DUXA: variants seen among roughly 807,000 people sequenced by gnomAD.
DUXA encodes the protein double homeobox A.
In DUXA, 25 loss-of-function variants were observed where a neutral mutation model predicts 27.5. That is an observed-to-expected ratio of 0.91 (90% CI 0.66 to 1.27). DUXA has a LOEUF of 1.27. Ranked by LOEUF, DUXA falls within the 50% of genes most tolerant of loss-of-function variation. DUXA has a pLI of 0.00. For missense variants in DUXA, 247 were observed against 242.9 expected (o/e 1.02, Z -0.11); for synonymous variants, 90 against 80.5 (o/e 1.12, Z -0.63).
chr19:57,161,451 G>T (rs530731368), intron 1 of DUXA, among the ~76,000 whole-genome samples: 1 of 147,370 alleles, frequency 6.8e-6, no homozygotes, highest in Non-Finnish European at 1.5e-5. Flanking sequence ...ATGAAACCCC[G>T]TCTCTACTAA....
rs561879194 is a variant in DUXA at position 57,156,108 on chromosome 19, C to T, written c.439-736G>A. Reference sequence around the variant, plus strand: ...TCACAGGTCCACCTCATTACAATACCGGTGTTTCTCTAAAGTGACATGCTA... The same window carrying T: ...TCACAGGTCCACCTCATTACAATACTGGTGTTTCTCTAAAGTGACATGCTA... On this transcript the variant is annotated intron_variant, in intron 4 of 5. Transcript: ENST00000554048. Among the ~76,000 whole-genome samples the T allele has an allele frequency of 3.7e-4, 57 of 152,222 alleles. No individual in the cohort carries two copies. In the South Asian group the frequency reaches 0.011, roughly 30 times the overall value.
At chr19:57,162,765 A>G (rs1403473342) in intron 1 of DUXA, among the ~76,000 whole-genome samples, 4 of 152,078 alleles carry the variant, frequency 2.6e-5, no homozygotes, top group South Asian at 4.1e-4. Context: ...TAGTAGAGAC[A>G]GGGTTTCACC....
intron 1 of DUXA, 84 bp from the exon 2 acceptor site, chr19:57,160,881 C>G: frequency 6.7e-7 from 1 of 1,500,350 alleles, no homozygotes; most frequent in South Asian, 1.2e-5. Context: ...CTCTCACTTC[C>G]TCTTCCCAAA....
intron 1 of DUXA, among the ~76,000 whole-genome samples, chr19:57,163,470 G>A (rs776220734): frequency 4.0e-5 from 6 of 150,264 alleles, no homozygotes; most frequent in Non-Finnish European, 7.4e-5. Context: ...TTGAGACAGA[G>A]TCTCACTCTG....
chr19:57,162,045 C>T (rs754968602), intron 1 of DUXA, among the ~76,000 whole-genome samples: 1 of 152,062 alleles, frequency 6.6e-6, no homozygotes, highest in African/African-American at 2.4e-5. Context: ...TGCACACCCC[C>T]ACACCCAGCT....
intron 3 of DUXA, among the ~76,000 whole-genome samples, 164 bp from the exon 4 acceptor site, chr19:57,158,637 T>A (rs1367026634): frequency 2.0e-5 from 3 of 152,058 alleles, no homozygotes; most frequent in African/African-American, 4.8e-5. Flanking sequence ...GGTGGAAGGT[T>A]CTAGAGGAGA....
At position 57,161,434 on chromosome 19, in the gene DUXA, T is replaced by C. The variant is rs187244500; in HGVS notation, c.26-637A>G. ...GTCAGGAGATCGAGACCATCCTGGC[T>C]AACATGATGAAACCCCGTCTCTACT... On this transcript the variant is annotated intron_variant, in intron 1 of 5. Transcript: ENST00000554048. Among the ~76,000 whole-genome samples, 720 of 147,958 alleles carry C rather than the reference T, an allele frequency of 4.9e-3. 13 individuals are homozygous for C. The highest frequency in any genetic ancestry group is 0.016 in the African/African-American group (649 of 39,352).
intron 1 of DUXA, among the ~76,000 whole-genome samples, chr19:57,162,985 C>T (rs566486675): frequency 4.0e-5 from 6 of 151,774 alleles, no homozygotes; most frequent in Non-Finnish European, 2.9e-5. Flanking sequence ...GAACCTTGAC[C>T]TCATCATACG....
At chr19:57,160,457 C>T (rs1266553523) in intron 2 of DUXA, among the ~76,000 whole-genome samples, 186 bp downstream of exon 2, 3 of 152,334 alleles carry the variant, frequency 2.0e-5, no homozygotes, top group South Asian at 2.1e-4. Context: ...CCTGTGAGCT[C>T]GCTCATCCTC....
chr19:57,161,424 C>CT (rs1206851235), intron 1 of DUXA, among the ~76,000 whole-genome samples: 1 of 148,638 alleles, frequency 6.7e-6, no homozygotes, highest in Non-Finnish European at 1.5e-5. Context: ...GAGATCGAGA[C>CT]CATCCTGGCT....
intron 1 of DUXA, among the ~76,000 whole-genome samples, chr19:57,163,328 G>C (rs2087034022): frequency 6.6e-6 from 1 of 151,992 alleles, no homozygotes; most frequent in Non-Finnish European, 1.5e-5. Context: ...TTGATGTTTT[G>C]TAGAGATGGC....
intron 1 of DUXA, among the ~76,000 whole-genome samples, chr19:57,164,007 G>A (rs1019069442): frequency 2.0e-5 from 3 of 152,052 alleles, no homozygotes; most frequent in Non-Finnish European, 4.4e-5. Flanking sequence ...CTTGAGTCCA[G>A]GAGTTCAAGA....
intron 2 of DUXA, 52 bp from the exon 3 acceptor site, chr19:57,159,330 A>G (rs2122692121): frequency 6.6e-7 from 1 of 1,518,942 alleles, no homozygotes. Flanking sequence ...CATTTAAGCT[A>G]CATCACTGCC....
At position 57,154,448 on chromosome 19, in the gene DUXA, A is replaced by G. The variant is rs1599928789; in HGVS notation, c.579T>C (p.Thr193=). The G allele has an allele frequency of 2.5e-6, 4 of 1,613,778 alleles. No individual in the cohort carries two copies. Among genetic ancestry groups the G allele is most frequent in the Non-Finnish European group, 1.7e-6 (2 of 1,179,708 alleles). The part of the protein sequence containing the change: ...AEDTQNGTNF[T]SDSHFSGART... ...TGGCTCCAGAGAAATGAGAGTCACT[A>G]GTGAAGTTGGTGCCATTTTGTGTAT... The change falls in exon 6 of 6, where the codon ACT becomes ACC. Residue 193 remains threonine, a synonymous_variant. Coordinates refer to ENST00000554048, the MANE Select transcript of DUXA (RefSeq NM_001012729.2).
rs921070839 is a variant in DUXA at position 57,158,184 on chromosome 19, G to A, written c.438+144C>T. 19 of 909,270 alleles carry A rather than the reference G, an allele frequency of 2.1e-5. No homozygotes were observed. The East Asian group carries it at 2.2e-4, about 10-fold the overall frequency. The allele number at this position is 909,270 out of a possible 1,614,324, so 56.3% of individuals were successfully genotyped here. ...AGATTGAGTCCTGTGGGCACCTGGG[G>A]GTAGAAGCCAGCAGACAGGGAACAG... On this transcript the variant is annotated intron_variant, in intron 4 of 5. Coordinates refer to ENST00000554048, the MANE Select transcript of DUXA (RefSeq NM_001012729.2).
At chr19:57,159,109 C>A in intron 3 of DUXA, 58 bp downstream of exon 3, 2 of 1,464,274 alleles carry the variant, frequency 1.4e-6, no homozygotes, top group Non-Finnish European at 1.9e-6. Flanking sequence ...TTCAAAGTCG[C>A]AGTTGGCTCC....
chr19:57,165,322 A>ATATATATATATATGTATATAT, intron 1 of DUXA, among the ~76,000 whole-genome samples: 1 of 89,112 alleles, frequency 1.1e-5, no homozygotes, highest in Admixed American at 1.3e-4. Flanking sequence ...AAAAAAAAAA[A>ATATATATATATATGTATATAT]AAATATATAT....
In DUXA at chr19:57,154,313, T is replaced by G; in HGVS notation, c.*99A>C. 8.7e-7 allele frequency: 1 copy of G among 1,146,282 alleles called. No individual in the cohort carries two copies. The highest frequency in any genetic ancestry group is 1.3e-6 in the Non-Finnish European group (1 of 776,520). The allele number at this position is 1,146,282 out of a possible 1,614,324, so 71.0% of individuals were successfully genotyped here. ...AAGTCCTTTACCATCTTCAGAAGGC[T>G]TAGCTTGCAGTTTCAGCAGAAGGAT... On this transcript the variant is annotated 3_prime_UTR_variant, in exon 6 of 6. Coordinates refer to ENST00000554048, the MANE Select transcript of DUXA (RefSeq NM_001012729.2).
Position 57,158,410 on chromosome 19 carries a change from G to A in DUXA, c.356C>T (p.Ala119Val). The A allele has an allele frequency of 6.2e-7, 1 of 1,613,836 alleles. No individual in the cohort carries two copies. Among genetic ancestry groups the A allele is most frequent in the Non-Finnish European group, 8.5e-7 (1 of 1,180,004 alleles). Residue 119 changes from alanine (A) to valine (V), a missense_variant, in exon 4 of 6, where the codon GCA (alanine) becomes GTA (valine). Physicochemically the swap from Ala to Val is moderately conservative, Grantham distance 64. Transcript: ENST00000554048. The part of the protein sequence containing the change: ...SASQLHTLIK[A>V]FMKNPYPGID... ...CCCAGGATATGGGTTTTTCATAAAT[G>A]CCTTGATGAGAGTGTGTAACTGAGA...
Sources: gnomAD v4.1 joint callset for allele counts (sites outside exome capture counted in the v4.1 genomes callset) on GRCh38, gnomAD v4.1.1 for gene constraint, MANE v1.5 for transcripts, NCBI Gene and HGNC (gene_info 2026-07-23, HGNC 2026-07-21) for gene names.